SYK: variants seen among roughly 807,000 people sequenced by gnomAD.
SYK encodes tyrosine-protein kinase SYK.
In SYK, 16 loss-of-function variants were observed where a neutral mutation model predicts 77.8. The ratio of observed to expected loss-of-function variants is 0.21; its 90% CI spans 0.14 to 0.31. SYK has a LOEUF of 0.31. Among genes scored for constraint, SYK ranks in the 10% least tolerant of loss-of-function variants. The pLI, the probability that SYK is intolerant of heterozygous loss-of-function variation, is 1.00. For missense variants in SYK, 529 were observed against 814.4 expected (o/e 0.65, Z 4.26); for synonymous variants, 312 against 308.7 (o/e 1.01, Z -0.11).
chr9:90,858,291 G>T (rs974358765), intron 3 of SYK, among the ~76,000 whole-genome samples: 13 of 152,228 alleles, frequency 8.5e-5, no homozygotes, highest in African/African-American at 3.1e-4. Context: ...TAGACATGCC[G>T]CAGGTCAAGG....
intron 11 of SYK, among the ~76,000 whole-genome samples, chr9:90,886,600 G>T (rs1025706755): frequency 6.6e-6 from 1 of 152,154 alleles, no homozygotes; most frequent in Non-Finnish European, 1.5e-5. Context: ...AGCTACCTGG[G>T]AGGCTGAGGC....
intron 7 of SYK, among the ~76,000 whole-genome samples, chr9:90,872,807 T>C (rs1221881345): frequency 1.3e-5 from 2 of 152,268 alleles, no homozygotes; most frequent in Non-Finnish European, 2.9e-5. Flanking sequence ...ACATTTTTAT[T>C]GAGCGTCCTT....
intron 6 of SYK, 107 bp from the exon 7 acceptor site, chr9:90,867,024 G>T: frequency 1.7e-6 from 2 of 1,200,848 alleles, no homozygotes; most frequent in South Asian, 1.3e-5. Context: ...ACAGGAGGGG[G>T]TTAGTGGTGC....
chr9:90,859,109 A>C (rs1478424547), intron 3 of SYK, among the ~76,000 whole-genome samples: 1 of 152,232 alleles, frequency 6.6e-6, no homozygotes, highest in Non-Finnish European at 1.5e-5. Flanking sequence ...ATAAGAGTGC[A>C]TAACTAAATA....
intron 1 of SYK, among the ~76,000 whole-genome samples, chr9:90,834,522 T>C (rs1040089693): frequency 1.2e-4 from 18 of 152,238 alleles, no homozygotes; most frequent in African/African-American, 3.9e-4. Flanking sequence ...TCTGGCCCAG[T>C]GGAACCACCT....
At chr9:90,876,557 G>A (rs1827942156) in intron 9 of SYK, among the ~76,000 whole-genome samples, 1 of 152,168 alleles carries the variant, frequency 6.6e-6, no homozygotes, top group Non-Finnish European at 1.5e-5. Flanking sequence ...AAATGTTTCT[G>A]TATTAATCCT....
intron 11 of SYK, among the ~76,000 whole-genome samples, chr9:90,881,676 T>G (rs1317090788): frequency 9.9e-5 from 1 of 10,144 alleles, no homozygotes; most frequent in Non-Finnish European, 1.5e-4. Flanking sequence ...CAAGACTCTG[T>G]CTCAAAAAAA....
chr9:90,867,045 G>A, intron 6 of SYK, 86 bp from the exon 7 acceptor site: 1 of 1,504,096 alleles, frequency 6.6e-7, no homozygotes, highest in African/African-American at 1.4e-5. Context: ...GATTATAGAA[G>A]CAAATTTAAG....
chr9:90,854,139 T>C (rs539089405), intron 3 of SYK, among the ~76,000 whole-genome samples: 10 of 152,078 alleles, frequency 6.6e-5, no homozygotes, highest in Non-Finnish European at 1.5e-4. Context: ...GTGGCAGAGT[T>C]TTCCTTGATG....
chr9:90,877,607 C>G lies in SYK; in HGVS notation c.1218C>G (p.Asn406Lys). The G allele has an allele frequency of 6.2e-7, 1 of 1,614,172 alleles. No homozygotes were observed. Among genetic ancestry groups the G allele is most frequent in the Non-Finnish European group, 8.5e-7 (1 of 1,180,030 alleles). The change falls in exon 10 of 14, where the codon AAC becomes AAG. Residue 406 changes from asparagine to lysine, a missense_variant. Asn to Lys is a moderately conservative substitution (Grantham distance 94). Around this residue, in one of 2 missense-constraint regions of SYK, gnomAD observed 208 missense variants for 381.3 expected, o/e 0.55. Coordinates refer to ENST00000375754, the MANE Select transcript of SYK (RefSeq NM_003177.7). ...CCGTGGCTGTGAAAATACTGAAAAA[C>G]GAGGCCAATGACCCCGCTCTTAAAG... ...VKTVAVKILK[N>K]EANDPALKDE...
chr9:90,871,559 T>C (rs923173352), intron 7 of SYK, among the ~76,000 whole-genome samples: 3 of 152,252 alleles, frequency 2.0e-5, no homozygotes, highest in African/African-American at 7.2e-5. Context: ...GTTTTGGTTA[T>C]TGTTCTACTA....
rs544459323 is a variant in SYK, at chr9:90,846,774, T to C, written c.578+1180T>C. ...CGGCAGTGCCTAGAGTGATGGTCTT[T>C]AGTGGGATGCAGCCCCAGCCAGCAG... On this transcript the variant is annotated intron_variant, in intron 3 of 13. Coordinates refer to ENST00000375754, the MANE Select transcript of SYK (RefSeq NM_003177.7). 1.5e-4 allele frequency among the ~76,000 whole-genome samples: 22 copies of C among 151,126 alleles called. No individual in the cohort carries two copies. In the East Asian group the frequency reaches 3.9e-3, roughly 27 times the overall value.
rs1286496330 is a variant in SYK, at chr9:90,844,353, G to A, written c.417+38G>A. 5 of 1,516,242 alleles carry A rather than the reference G, an allele frequency of 3.3e-6. No individual in the cohort carries two copies. The African/African-American group carries it at 4.2e-5, about 13-fold the overall frequency. 93.9% of individuals were successfully genotyped at this position (1,516,242 alleles called of 1,614,324 possible). A position where few individuals can be genotyped will look rare whatever the true frequency, so the allele number is the denominator to read the frequency against. ...TGGTCCTGCTCCCTGGGCCCAGGGG[G>A]CCCTGTGACCCCACACAGACTTCCT... On this transcript the variant is annotated intron_variant, in intron 2 of 13. Transcript: ENST00000375754.
At chr9:90,852,223 A>G (rs948594554) in intron 3 of SYK, among the ~76,000 whole-genome samples, 2 of 152,222 alleles carry the variant, frequency 1.3e-5, no homozygotes, top group Admixed American at 6.5e-5. Flanking sequence ...GATAAAGTAG[A>G]ACAGAGTGAG....
rs192171229 is a variant in SYK at position 90,828,335 on chromosome 9, C to G, written c.-41-15523C>G. ...AAGGAAAGCCTGCAACTGCGCTGCCCTTCTCATCATCCATATGTGGTTTGC... is the reference window on the plus strand; with the variant it reads ...AAGGAAAGCCTGCAACTGCGCTGCCGTTCTCATCATCCATATGTGGTTTGC... On this transcript the variant is annotated intron_variant, in intron 1 of 13. Coordinates refer to ENST00000375754, the MANE Select transcript of SYK (RefSeq NM_003177.7). Among the ~76,000 whole-genome samples the G allele has an allele frequency of 2.7e-4, 41 of 151,628 alleles. No individual in the cohort carries two copies. In the East Asian group the frequency reaches 7.6e-3, roughly 28 times the overall value.
At chr9:90,859,762 T>G (rs567852503) in intron 3 of SYK, among the ~76,000 whole-genome samples, 20 of 152,366 alleles carry the variant, frequency 1.3e-4, no homozygotes, top group African/African-American at 4.3e-4. Flanking sequence ...CTTAGAATGA[T>G]CTTTCTAACT....
chr9:90,887,193 A>G lies in SYK; in HGVS notation c.1582-556A>G, dbSNP rs578004578. Among the ~76,000 whole-genome samples, 34 of 152,158 alleles carry G rather than the reference A, an allele frequency of 2.2e-4. 1 individual carries two copies. The highest frequency in any genetic ancestry group is 8.0e-4 in the African/African-American group (33 of 41,500). ...CTCCAGGCCCTATTCTCCTGTCTCA[A>G]TTTCACTCAGCATAATGTCCTCTAG... On this transcript the variant is annotated intron_variant, in intron 11 of 13. Coordinates refer to ENST00000375754, the MANE Select transcript of SYK (RefSeq NM_003177.7).
At chr9:90,861,978 C>T (rs1331587633) in intron 3 of SYK, among the ~76,000 whole-genome samples, 2 of 152,206 alleles carry the variant, frequency 1.3e-5, no homozygotes, top group Non-Finnish European at 2.9e-5. Context: ...CTAGCATTTC[C>T]TTGTTGCAAG....
chr9:90,851,554 G>A (rs563396172), intron 3 of SYK, among the ~76,000 whole-genome samples: 3 of 152,224 alleles, frequency 2.0e-5, no homozygotes, highest in Admixed American at 6.5e-5. Flanking sequence ...GGCCAGAAGC[G>A]AGCACTGGAG....
Sources: gnomAD v4.1 joint callset for allele counts (sites outside exome capture counted in the v4.1 genomes callset) on GRCh38, gnomAD v4.1.1 for gene constraint, gnomAD v4.1.1 regional missense constraint, MANE v1.5 for transcripts, NCBI Gene and HGNC (gene_info 2026-07-23, HGNC 2026-07-21) for gene names.